The following PIEZO2 variants were observed in gnomAD, a reference collection of about 807,000 sequenced individuals.
PIEZO2 encodes piezo-type mechanosensitive ion channel component 2.
In PIEZO2, 172 loss-of-function variants were observed where a neutral mutation model predicts 337.3. The observed-to-expected ratio is 0.51, with a 90% CI of 0.45 to 0.58. The LOEUF is 0.58. Ranked by LOEUF, PIEZO2 falls within the 20% of genes least tolerant of loss-of-function variation. The pLI, the probability that PIEZO2 is intolerant of heterozygous loss-of-function variation, is 0.00. For missense variants in PIEZO2, 3,028 were observed against 3,391.3 expected (o/e 0.89, Z 2.66); for synonymous variants, 1,251 against 1,228.5 (o/e 1.02, Z -0.38).
chr18:10,804,195 T>A lies in PIEZO2; in HGVS notation c.1081-201A>T, dbSNP rs572124614. ...ATTGTAAGTACACCAGTATTAAATG[T>A]CCCCTGATTCTACTAAGCCCCATGC... On this transcript the variant is annotated intron_variant, in intron 8 of 55. Coordinates refer to ENST00000674853, the MANE Select transcript of PIEZO2 (RefSeq NM_001378183.1). 3.3e-5 allele frequency among the ~76,000 whole-genome samples: 5 copies of A among 152,358 alleles called. No homozygotes were observed. The East Asian group carries it at 9.6e-4, about 29-fold the overall frequency.
chr18:11,095,783 T>G (rs2039245513), intron 1 of PIEZO2, among the ~76,000 whole-genome samples: 1 of 152,200 alleles, frequency 6.6e-6, no homozygotes, highest in Non-Finnish European at 1.5e-5. Flanking sequence ...TTTGTCTAAA[T>G]AGCCCTGAAA....
intron 7 of PIEZO2, among the ~76,000 whole-genome samples, chr18:10,840,181 A>C (rs2041147769): frequency 6.6e-6 from 1 of 152,264 alleles, no homozygotes; most frequent in South Asian, 2.1e-4. Flanking sequence ...ACGTAGCTCA[A>C]AGTGAGTTTA....
At chr18:11,023,945 G>A (rs1185432911) in intron 2 of PIEZO2, among the ~76,000 whole-genome samples, 8 of 152,200 alleles carry the variant, frequency 5.3e-5, no homozygotes, top group Non-Finnish European at 8.8e-5. Flanking sequence ...TTCTGAGTGC[G>A]GGGCCGCCGA....
chr18:10,879,906 TGA>T (rs2042367835), intron 4 of PIEZO2, among the ~76,000 whole-genome samples: 1 of 152,206 alleles, frequency 6.6e-6, no homozygotes, highest in African/African-American at 2.4e-5. Context: ...TCTGTGAATA[TGA>T]GTGTATATCA....
At position 11,105,811 on chromosome 18, in the gene PIEZO2, G is replaced by A. The variant is rs747995388; in HGVS notation, c.65-39589C>T. On this transcript the variant is annotated intron_variant, in intron 1 of 55. Transcript: ENST00000674853. This position sits in a 1 kb window ranked among gnomAD's most constrained non-coding sequence, Gnocchi z 4.3. The stretch of plus-strand genomic sequence containing the variant: ...GCAAAATTACGTTGGACAACAACCA[G>A]CAGCACATTTACATTGATCCTCTCC... Among the ~76,000 whole-genome samples the A allele has an allele frequency of 1.3e-4, 20 of 152,106 alleles. No individual in the cohort carries two copies. The highest frequency in any genetic ancestry group is 2.6e-4 in the Non-Finnish European group (18 of 68,024).
chr18:10,929,318 C>G lies in PIEZO2; in HGVS notation c.287-18090G>C, dbSNP rs1465662541. Among the ~76,000 whole-genome samples, 5 of 152,166 alleles carry G rather than the reference C, an allele frequency of 3.3e-5. No homozygotes were observed. The highest frequency in any genetic ancestry group is 1.2e-4 in the African/African-American group (5 of 41,436). ...TATGAAGGTGTTATGCTGCTGCATG[C>G]ATGGGTACCCCACATATGCTGTTGT... On this transcript the variant is annotated intron_variant, in intron 3 of 55. Transcript: ENST00000674853. The surrounding 1 kb of genome is among the most constrained non-coding windows in gnomAD (Gnocchi z 5.6).
chr18:11,055,604 T>C lies in PIEZO2; in HGVS notation c.160+10523A>G, dbSNP rs542166576. 2.3e-4 allele frequency among the ~76,000 whole-genome samples: 35 copies of C among 149,914 alleles called. No individual in the cohort carries two copies. In the South Asian group the frequency reaches 2.7e-3, roughly 12 times the overall value. On this transcript the variant is annotated intron_variant, in intron 2 of 55. Coordinates refer to ENST00000674853, the MANE Select transcript of PIEZO2 (RefSeq NM_001378183.1). Reference sequence around the variant, plus strand: ...AAACTAGGGTGAATTCTACAACTAATAACAGTGACTCAGTGACTATTTGTG... The same window carrying C: ...AAACTAGGGTGAATTCTACAACTAACAACAGTGACTCAGTGACTATTTGTG...
chr18:10,933,978 G>A (rs1284253281), intron 3 of PIEZO2, among the ~76,000 whole-genome samples: 1 of 152,216 alleles, frequency 6.6e-6, no homozygotes, highest in East Asian at 1.9e-4. Flanking sequence ...GAAACTGTGA[G>A]TTAATTAACC....
At chr18:11,119,536 G>A (rs971696320) in intron 1 of PIEZO2, among the ~76,000 whole-genome samples, 5 of 152,182 alleles carry the variant, frequency 3.3e-5, no homozygotes, top group Non-Finnish European at 5.9e-5. Flanking sequence ...TAAAAGAACT[G>A]TGTTTGTGGC....
At position 10,750,121 on chromosome 18, in the gene PIEZO2, G is replaced by A; in HGVS notation, c.4234C>T (p.Leu1412=). The change falls in exon 29 of 56, where the codon CTG becomes TTG. Residue 1412 remains leucine, a synonymous_variant. Coordinates refer to ENST00000674853, the MANE Select transcript of PIEZO2 (RefSeq NM_001378183.1). The surrounding 1 kb of genome is among the most constrained non-coding windows in gnomAD (Gnocchi z 4.1). The stretch of plus-strand genomic sequence containing the variant: ...TGATAGCCTTTGACTGTGCAGGCCA[G>A]GCTGAAAGCCTGGATCAACCAACAA... ...NSCWLIQAFS[L]ACTVKGYQMP... The A allele has an allele frequency of 6.5e-7, 1 of 1,537,100 alleles. No individual in the cohort carries two copies. Among genetic ancestry groups the A allele is most frequent in the African/African-American group, 1.4e-5 (1 of 73,172 alleles).
At position 10,877,791 on chromosome 18, in the gene PIEZO2, C is replaced by T. The variant is rs1166376499; in HGVS notation, c.330-6376G>A. On this transcript the variant is annotated intron_variant, in intron 4 of 55. Transcript: ENST00000674853. This position sits in a 1 kb window ranked among gnomAD's most constrained non-coding sequence, Gnocchi z 5.3. ...CATAAAGCTGATCATGTCAACCCCA[C>T]GGCCCCCAGGAAACATCCACATTCC... 6.6e-6 allele frequency among the ~76,000 whole-genome samples: 1 copy of T among 152,142 alleles called. No individual in the cohort carries two copies.
At chr18:10,769,981 A>C (rs749497141) in intron 21 of PIEZO2, 167 bp downstream of exon 21, 4 of 653,824 alleles carry the variant, frequency 6.1e-6, no homozygotes, top group Non-Finnish European at 9.4e-6. Flanking sequence ...CCTTTTTCTC[A>C]GTGCTGCTGA....
chr18:11,084,520 G>A (rs1411045998), intron 1 of PIEZO2, among the ~76,000 whole-genome samples: 1 of 152,116 alleles, frequency 6.6e-6, no homozygotes, highest in Non-Finnish European at 1.5e-5. Flanking sequence ...TCGCCATGGA[G>A]GCCCCCTTTC....
At chr18:10,674,462 C>T (rs762270224) in intron 54 of PIEZO2, among the ~76,000 whole-genome samples, 9 of 152,224 alleles carry the variant, frequency 5.9e-5, no homozygotes, top group Non-Finnish European at 7.3e-5. Flanking sequence ...GGCCTTTTGC[C>T]CATCCCCAGG....
At position 10,942,371 on chromosome 18, in the gene PIEZO2, A is replaced by G. The variant is rs1345587510; in HGVS notation, c.287-31143T>C. 6.6e-6 allele frequency among the ~76,000 whole-genome samples: 1 copy of G among 152,206 alleles called. No individual in the cohort carries two copies. Among genetic ancestry groups the G allele is most frequent in the East Asian group, 1.9e-4 (1 of 5,194 alleles). ...CTTTAACCAAAATGCTGATAATGAT[A>G]TGAGCAATGAAATCCAGGCTGAGGT... On this transcript the variant is annotated intron_variant, in intron 3 of 55. Coordinates refer to ENST00000674853, the MANE Select transcript of PIEZO2 (RefSeq NM_001378183.1). The surrounding 1 kb of genome is among the most constrained non-coding windows in gnomAD (Gnocchi z 4.4).
In PIEZO2 at chr18:11,111,715, G is replaced by A. The variant is rs1457090309; in HGVS notation, c.64+36810C>T. Among the ~76,000 whole-genome samples, 10 of 152,182 alleles carry A rather than the reference G, an allele frequency of 6.6e-5. No homozygotes were observed. The highest frequency in any genetic ancestry group is 1.9e-4 in the East Asian group (1 of 5,200). On this transcript the variant is annotated intron_variant, in intron 1 of 55. Transcript: ENST00000674853. The surrounding 1 kb of genome is among the most constrained non-coding windows in gnomAD (Gnocchi z 6.2). ...CGACAAGGCTTCTTGAACTGACACCGTCACACCCTCGGGGAATCCGTAGCC... is the reference window on the plus strand; with the variant it reads ...CGACAAGGCTTCTTGAACTGACACCATCACACCCTCGGGGAATCCGTAGCC...
At chr18:11,023,994 C>A (rs1000296459) in intron 2 of PIEZO2, among the ~76,000 whole-genome samples, 3 of 152,180 alleles carry the variant, frequency 2.0e-5, no homozygotes, top group Non-Finnish European at 4.4e-5. Context: ...CCCGCAAGCC[C>A]CACGCGCAGC....
At chr18:11,123,483 G>A (rs2040087136) in intron 1 of PIEZO2, among the ~76,000 whole-genome samples, 1 of 152,208 alleles carries the variant, frequency 6.6e-6, no homozygotes, top group South Asian at 2.1e-4. Flanking sequence ...TGTGACCACA[G>A]TATATTTAGG....
rs1433921606 is a variant in PIEZO2 at position 10,833,565 on chromosome 18, T to C, written c.917+21788A>G. Among the ~76,000 whole-genome samples the C allele has an allele frequency of 6.6e-6, 1 of 152,128 alleles. No individual in the cohort carries two copies. The highest frequency in any genetic ancestry group is 1.5e-5 in the Non-Finnish European group (1 of 68,022). On this transcript the variant is annotated intron_variant, in intron 7 of 55. Transcript: ENST00000674853. This position sits in a 1 kb window ranked among gnomAD's most constrained non-coding sequence, Gnocchi z 4.7. ...CCCCAGTTACTACAAGGATGAGAGA[T>C]TGTACAGCCCAAACTGCACCTGAAC...
Sources: allele counts gnomAD v4.1 joint callset (sites outside exome capture counted in the v4.1 genomes callset), GRCh38; gene constraint gnomAD v4.1.1; non-coding constraint Gnocchi (gnomAD v3.1); transcripts MANE v1.5; gene names NCBI Gene and HGNC (gene_info 2026-07-23, HGNC 2026-07-21).